The following MASP1 variants were observed in gnomAD, a reference collection of about 807,000 sequenced individuals.
MASP1 encodes mannan-binding lectin serine protease 1.
Under a neutral mutation model 77.1 loss-of-function variants are expected in MASP1, and 59 were observed. The observed-to-expected ratio is 0.77, with a 90% CI of 0.62 to 0.95. MASP1 has a LOEUF of 0.95. Among genes scored for constraint, MASP1 ranks in the 40% least tolerant of loss-of-function variants. The pLI is 0.00. For missense variants in MASP1, 885 were observed against 912.9 expected, an observed-to-expected ratio of 0.97 and a Z score of 0.39; for synonymous variants, 362 against 354.5, an observed-to-expected ratio of 1.02 and a Z score of -0.24.
rs754986918 is a variant in MASP1 at position 187,236,114 on chromosome 3, A to C, written c.1757T>G (p.Met586Arg). Residue 586 changes from methionine (M) to arginine (R), a missense_variant, in exon 11 of 11, where the codon ATG (methionine) becomes AGG (arginine). By Grantham distance (91) the Met-to-Arg change is moderately conservative. Transcript: ENST00000296280. ...RLEPEGPAPH[M>R]LGLVAGWGIS... is the part of the protein sequence containing the mutation. The stretch of plus-strand genomic sequence containing the variant: ...GCCCCAGCCGGCCACCAGGCCCAGC[A>C]TGTGGGGGGCCGGGCCTTCAGGCTC... 6.2e-7 allele frequency: 1 copy of C among 1,613,994 alleles called. No homozygotes were observed. Among genetic ancestry groups the C allele is most frequent in the South Asian group, 1.1e-5 (1 of 91,086 alleles).
chr3:187,225,179 G>C, intron 13 of MASP1: 1 of 892,644 alleles, frequency 1.1e-6, no homozygotes, highest in Admixed American at 2.0e-5. Flanking sequence ...ACCCAGTTCT[G>C]ACTTGGCTGT....
At chr3:187,233,812 G>T (rs75504992), downstream of MASP1, among the ~76,000 whole-genome samples, 3 of 152,046 alleles carry the variant, frequency 2.0e-5, no homozygotes, top group Non-Finnish European at 2.9e-5. Context: ...CCCAGCGTGT[G>T]GGGGGTTGGG....
chr3:187,225,362 A>G lies in MASP1; in HGVS notation c.1703T>C (p.Val568Ala), dbSNP rs13322090. 2.6e-3 allele frequency: 4,149 copies of G among 1,613,764 alleles called. 110 individuals are homozygous for G. The African/African-American group carries it at 0.05, about 19-fold the overall frequency. The change falls in exon 13 of 16, where the codon GTG (valine) becomes GCG (alanine). Residue 568 changes from valine (V) to alanine (A), a missense_variant. Transcript: ENST00000337774. ...TCCCTCAGGCAGACAGATGGGCATC[A>G]CGAAGGCATTCAGCACTGGGCTCTC...
At chr3:187,237,338 C>T (rs1017342376) in intron 10 of MASP1, among the ~76,000 whole-genome samples, 1 of 126,674 alleles carries the variant, frequency 7.9e-6, no homozygotes, top group African/African-American at 2.5e-5. Context: ...AGAAGCTTAA[C>T]TAGATTCTAA....
At position 187,235,535 on chromosome 3, in the gene MASP1, C is replaced by T. The variant is rs1713075356; in HGVS notation, c.*149G>A. On this transcript the variant is annotated 3_prime_UTR_variant, in exon 11 of 11. Transcript: ENST00000296280. ...TTTCCCTATACCACACTCTGCCTCT[C>T]AGGGTCCTGGGGGCTGTCTCGGTAG... 6.5e-7 allele frequency: 1 copy of T among 1,537,362 alleles called. No homozygotes were observed. Among genetic ancestry groups the T allele is most frequent in the Admixed American group, 1.9e-5 (1 of 51,490 alleles).
chr3:187,226,421 A>G (rs1001088487), exon 12 of MASP1: 4 of 1,609,604 alleles, frequency 2.5e-6, no homozygotes, highest in Non-Finnish European at 3.4e-6. Flanking sequence ...GATGATTTTG[A>G]AGTCAGAAGG....
chr3:187,218,230 T>C (rs1560223262), exon 16 of MASP1: 1 of 152,218 alleles, frequency 6.6e-6, no homozygotes, highest in Non-Finnish European at 1.5e-5. Flanking sequence ...GTCAATTACA[T>C]ATGTTTCATG....
Position 187,235,064 on chromosome 3 carries a change from A to C in MASP1, c.*620T>G, listed in dbSNP as rs564348204. ...ATTCCTTTAATGGGGAACATAAGGG[A>C]TAAGGCTTAGACTGCAAGAAGCTTT... On this transcript the variant is annotated 3_prime_UTR_variant, in exon 11 of 11. Transcript: ENST00000296280. 7.8e-6 allele frequency: 10 copies of C among 1,287,286 alleles called. No individual in the cohort carries two copies. In the East Asian group the frequency reaches 5.5e-4, roughly 71 times the overall value. 79.7% of individuals were successfully genotyped at this position (1,287,286 alleles called of 1,614,324 possible).
exon 16 of MASP1, chr3:187,219,987 A>G: frequency 6.9e-7 from 1 of 1,443,358 alleles, no homozygotes; most frequent in South Asian, 1.2e-5. Flanking sequence ...GAGGAAGGAA[A>G]GGAGAAATGG....
chr3:187,254,316 A>G lies in MASP1; in HGVS notation c.745-1001T>C, dbSNP rs886948205. On this transcript the variant is annotated intron_variant, in intron 5 of 10. Transcript: ENST00000296280. ...AGATAATAACTTTAGGTAATCAAGG[A>G]AGGCCTTTCTCTGAGGTAGCATTGG... Among the ~76,000 whole-genome samples the G allele has an allele frequency of 6.6e-5, 10 of 152,340 alleles. No individual in the cohort carries two copies. The South Asian group carries it at 1.7e-3, about 25-fold the overall frequency.
At position 187,251,841 on chromosome 3, in the gene MASP1, G is replaced by T. The variant is rs768062407; in HGVS notation, c.893-89C>A. Reference sequence around the variant, plus strand: ...TCCCTAGAAAGCAAGGCCTGATGAAGGTGAATAAAACATGGAACTGGGTAT... The same window carrying T: ...TCCCTAGAAAGCAAGGCCTGATGAATGTGAATAAAACATGGAACTGGGTAT... On this transcript the variant is annotated intron_variant, in intron 6 of 10. Coordinates refer to ENST00000296280, the MANE Select transcript of MASP1 (RefSeq NM_139125.4). 199 of 998,908 alleles carry T rather than the reference G, an allele frequency of 2.0e-4. 1 individual carries two copies. The highest frequency in any genetic ancestry group is 2.9e-4 in the Non-Finnish European group (183 of 621,842). 61.9% of individuals were successfully genotyped at this position (998,908 alleles called of 1,614,324 possible). A position where few individuals can be genotyped will look rare whatever the true frequency, so the allele number is the denominator to read the frequency against.
intron 14 of MASP1, among the ~76,000 whole-genome samples, chr3:187,222,680 G>A (rs1380511436): frequency 7.1e-6 from 1 of 139,976 alleles, no homozygotes; most frequent in African/African-American, 2.6e-5. Flanking sequence ...TTAGTTAAGT[G>A]TTTTTTTTTT....
intron 2 of MASP1, among the ~76,000 whole-genome samples, chr3:187,275,444 G>A (rs1716884543): frequency 6.6e-6 from 1 of 152,222 alleles, no homozygotes; most frequent in South Asian, 2.1e-4. Context: ...AGGACCAACT[G>A]TCATAGCTCT....
chr3:187,286,082 T>C, intron 1 of MASP1, 26 bp from the exon 2 acceptor site: 1 of 1,548,076 alleles, frequency 6.5e-7, no homozygotes, highest in Non-Finnish European at 8.9e-7. Flanking sequence ...GTAGGTCTAC[T>C]TACATTTATA....
At chr3:187,257,260 A>T (rs1040218749) in intron 4 of MASP1, among the ~76,000 whole-genome samples, 1 of 152,118 alleles carries the variant, frequency 6.6e-6, no homozygotes, top group Non-Finnish European at 1.5e-5. Context: ...GGCCCTTGAC[A>T]CACACCCTCA....
chr3:187,288,471 T>C (rs938112036), intron 1 of MASP1, among the ~76,000 whole-genome samples: 1 of 152,230 alleles, frequency 6.6e-6, no homozygotes. Context: ...CTTTCCATTT[T>C]AGGAGGTCAT....
At position 187,291,617 on chromosome 3, in the gene MASP1, C is replaced by G. The variant is rs771033873; in HGVS notation, c.5+11G>C. 1.9e-5 allele frequency: 31 copies of G among 1,614,230 alleles called. No individual in the cohort carries two copies. Among genetic ancestry groups the G allele is most frequent in the Middle Eastern group, 1.6e-4 (1 of 6,062 alleles). On this transcript the variant is annotated intron_variant, in intron 1 of 10. Transcript: ENST00000296280. ...AAAGGGAACCGTGCCCTCTCCTCCC[C>G]TGGCACGTACCTCATTTTCCTGCCT...
At chr3:187,275,935 C>T (rs938692459) in intron 2 of MASP1, among the ~76,000 whole-genome samples, 1 of 152,130 alleles carries the variant, frequency 6.6e-6, no homozygotes, top group Non-Finnish European at 1.5e-5. Context: ...TGGCTGGCAG[C>T]ATTTAACAGG....
At position 187,260,818 on chromosome 3, in the gene MASP1, C is replaced by A. The variant is rs1358124940; in HGVS notation, c.470G>T (p.Cys157Phe). ...EDEELSCDHY[C>F]HNYIGGYYCS... The stretch of plus-strand genomic sequence containing the variant: ...GTAGTAGCCGCCAATGTAGTTGTGG[C>A]AGTAGTGGTCACAGGACAGCTCCTC... Residue 157 changes from cysteine to phenylalanine, a missense_variant, in exon 4 of 11, where the codon TGC becomes TTC. Cys to Phe is a radical substitution (Grantham distance 205). Coordinates refer to ENST00000296280, the MANE Select transcript of MASP1 (RefSeq NM_139125.4). The A allele has an allele frequency of 6.2e-7, 1 of 1,614,136 alleles. No homozygotes were observed. The highest frequency in any genetic ancestry group is 8.5e-7 in the Non-Finnish European group (1 of 1,180,014).
Sources: gnomAD v4.1 joint callset for allele counts (sites outside exome capture counted in the v4.1 genomes callset) on GRCh38, gnomAD v4.1.1 for gene constraint, MANE v1.5 for transcripts, NCBI Gene and HGNC (gene_info 2026-07-23, HGNC 2026-07-21) for gene names.